The following OTUD7A variants were observed in gnomAD, a reference collection of about 807,000 sequenced individuals.
OTUD7A encodes the protein OTU domain-containing protein 7A.
OTUD7A carries 12 observed loss-of-function variants against 65.7 expected under a neutral mutation model. That is an observed-to-expected ratio of 0.18 (90% CI 0.12 to 0.30). OTUD7A has a LOEUF of 0.30. OTUD7A is among the 10% of genes least tolerant of loss of function. The pLI, the probability that OTUD7A is intolerant of heterozygous loss-of-function variation, is 1.00. For synonymous variants in OTUD7A, 641 were observed against 586.3 expected (o/e 1.09, Z -1.35); for missense variants, 1,148 against 1,304.8 (o/e 0.88, Z 1.85).
At chr15:31,530,952 A>G (rs2042077636) in intron 5 of OTUD7A, 144 bp from the exon 6 acceptor site, 1 of 555,896 alleles carries the variant, frequency 1.8e-6, no homozygotes, top group Admixed American at 3.4e-5. Context: ...TTCTCTCCTC[A>G]AATAAAATAT....
At chr15:31,851,742 T>TTACA (rs1227899592) in intron 1 of OTUD7A, among the ~76,000 whole-genome samples, 1 of 152,222 alleles carries the variant, frequency 6.6e-6, no homozygotes, top group Non-Finnish European at 1.5e-5. Flanking sequence ...AGTTCACCAG[T>TTACA]TACACATCCC....
Position 31,729,098 on chromosome 15 carries a change from G to A in OTUD7A, c.-99-72021C>T, listed in dbSNP as rs992729585. ...TTGTGATAATTATTTCTAAATTATT[G>A]TTGTTAATCTCTTACTATACCTAAT... is the stretch of plus-strand genomic sequence containing the variant. On this transcript the variant is annotated intron_variant, in intron 1 of 12. Coordinates refer to ENST00000307050, the MANE Select transcript of OTUD7A (RefSeq NM_001382637.1). Among the ~76,000 whole-genome samples the A allele has an allele frequency of 2.9e-4, 44 of 152,116 alleles. 1 individual carries two copies. The highest frequency in any genetic ancestry group is 2.9e-5 in the Non-Finnish European group (2 of 68,018).
At chr15:31,565,173 T>G (rs540747546) in intron 4 of OTUD7A, among the ~76,000 whole-genome samples, 3 of 152,210 alleles carry the variant, frequency 2.0e-5, no homozygotes, top group Non-Finnish European at 4.4e-5. Flanking sequence ...CAATATAGCT[T>G]GAATAATAGG....
At chr15:31,563,028 CAATT>C (rs10593204) in intron 4 of OTUD7A, among the ~76,000 whole-genome samples, 9,469 of 151,984 alleles carry the variant, frequency 0.062, 964 homozygotes, top group African/African-American at 0.22. Flanking sequence ...TCGCAAGGCT[CAATT>C]AATAGGATTA....
At position 31,475,733 on chromosome 15, in the gene OTUD7A, A is replaced by G. The variant is rs963123434; in HGVS notation, c.*7561T>C. 2.0e-5 allele frequency: 3 copies of G among 152,246 alleles called. No homozygotes were observed. The highest frequency in any genetic ancestry group is 7.2e-5 in the African/African-American group (3 of 41,454). The allele number at this position is 152,246 out of a possible 1,614,324, so 9.4% of individuals were successfully genotyped here. A position where few individuals can be genotyped will look rare whatever the true frequency, so the allele number is the denominator to read the frequency against. On this transcript the variant is annotated 3_prime_UTR_variant, in exon 13 of 13. Transcript: ENST00000307050. ...AAAAGGATATTTGCATTGAATTGGA[A>G]TTAACACCTGCAGGTAGAAAGGGGT...
chr15:31,822,456 G>A (rs187182261), intron 1 of OTUD7A, among the ~76,000 whole-genome samples: 95 of 152,290 alleles, frequency 6.2e-4, no homozygotes, highest in African/African-American at 2.1e-3. Context: ...TTCGACCAGC[G>A]TACCTAGTTT....
chr15:31,563,049 G>T (rs1888745087), intron 4 of OTUD7A, among the ~76,000 whole-genome samples: 1 of 152,178 alleles, frequency 6.6e-6, no homozygotes, highest in Admixed American at 6.5e-5. Context: ...ATTATGCTGG[G>T]ATAGAGTCCT....
At chr15:31,514,429 T>C (rs888647852) in intron 8 of OTUD7A, among the ~76,000 whole-genome samples, 1 of 152,168 alleles carries the variant, frequency 6.6e-6, no homozygotes, top group Non-Finnish European at 1.5e-5. Flanking sequence ...TGGATACATA[T>C]TTTTGCATGT....
chr15:31,616,948 G>A (rs895975989), intron 3 of OTUD7A, among the ~76,000 whole-genome samples: 7 of 152,158 alleles, frequency 4.6e-5, no homozygotes, highest in African/African-American at 1.7e-4. Context: ...AAAGAAGTTT[G>A]CCAACCCCTG....
intron 1 of OTUD7A, among the ~76,000 whole-genome samples, chr15:31,848,706 T>C (rs558805741): frequency 1.8e-4 from 28 of 152,346 alleles, no homozygotes; most frequent in Middle Eastern, 3.4e-3. Context: ...AATAGAGTTC[T>C]GAAAAATATG....
At chr15:31,730,596 C>T (rs901789217) in intron 1 of OTUD7A, among the ~76,000 whole-genome samples, 25 of 152,234 alleles carry the variant, frequency 1.6e-4, no homozygotes, top group African/African-American at 5.8e-4. Flanking sequence ...GAAGTGACCA[C>T]ACCAGATGAT....
chr15:31,866,438 C>T (rs2141022591), intron 1 of OTUD7A, among the ~76,000 whole-genome samples: 1 of 152,318 alleles, frequency 6.6e-6, no homozygotes, highest in East Asian at 1.9e-4. Context: ...TCCATTTCAG[C>T]TTTTTAAAGA....
intron 2 of OTUD7A, among the ~76,000 whole-genome samples, chr15:31,655,896 T>G (rs1019565036): frequency 1.3e-5 from 2 of 152,218 alleles, no homozygotes; most frequent in African/African-American, 4.8e-5. Context: ...TTGTAATACT[T>G]CCACAATGTG....
chr15:31,831,939 TCAGA>T (rs2140984214), intron 1 of OTUD7A, among the ~76,000 whole-genome samples: 1 of 152,348 alleles, frequency 6.6e-6, no homozygotes, highest in Non-Finnish European at 1.5e-5. Flanking sequence ...GATGGAGAAA[TCAGA>T]CAGGTTGCCT....
chr15:31,802,139 G>GGA (rs1896147218), intron 1 of OTUD7A, among the ~76,000 whole-genome samples: 1 of 135,160 alleles, frequency 7.4e-6, no homozygotes, highest in African/African-American at 2.7e-5. Context: ...GTGTGTGTGT[G>GGA]TGTATATATA....
chr15:31,598,336 T>G lies in OTUD7A; in HGVS notation c.152-28139A>C, dbSNP rs184307327. Among the ~76,000 whole-genome samples the G allele has an allele frequency of 8.5e-5, 13 of 152,190 alleles. No individual in the cohort carries two copies. The East Asian group carries it at 2.5e-3, about 29-fold the overall frequency. The stretch of plus-strand genomic sequence containing the variant: ...TCATTGGGACTGGTTGGACAGTGGG[T>G]GCAGCCCACAGAGGGCGAGCCGAAG... On this transcript the variant is annotated intron_variant, in intron 3 of 12. Coordinates refer to ENST00000307050, the MANE Select transcript of OTUD7A (RefSeq NM_001382637.1).
chr15:31,610,434 A>G (rs915679508), intron 3 of OTUD7A, among the ~76,000 whole-genome samples: 2 of 151,792 alleles, frequency 1.3e-5, no homozygotes, highest in Non-Finnish European at 2.9e-5. Context: ...ATGGATTTAA[A>G]CTATACCTTA....
intron 1 of OTUD7A, among the ~76,000 whole-genome samples, chr15:31,812,881 G>A (rs1896456437): frequency 6.6e-6 from 1 of 152,160 alleles, no homozygotes; most frequent in Admixed American, 6.5e-5. Context: ...ACATGCAAGT[G>A]ATAAACATCT....
At chr15:31,728,678 C>T (rs1464878407) in intron 1 of OTUD7A, among the ~76,000 whole-genome samples, 1 of 152,248 alleles carries the variant, frequency 6.6e-6, no homozygotes, top group Non-Finnish European at 1.5e-5. Flanking sequence ...GGTGCTATGT[C>T]ACCTGCTCAA....
Sources: gnomAD v4.1 joint callset for allele counts (sites outside exome capture counted in the v4.1 genomes callset) on GRCh38, gnomAD v4.1.1 for gene constraint, MANE v1.5 for transcripts, NCBI Gene and HGNC (gene_info 2026-07-23, HGNC 2026-07-21) for gene names.